TRHR: variants seen among roughly 807,000 people sequenced by gnomAD.
TRHR encodes the protein thyrotropin-releasing hormone receptor.
In TRHR, 14 loss-of-function variants were observed where a neutral mutation model predicts 28.0. The ratio of observed to expected loss-of-function variants is 0.50; its 90% confidence interval spans 0.33 to 0.78. TRHR has a LOEUF of 0.78. TRHR is among the 30% of genes least tolerant of loss of function. TRHR has a pLI of 0.02. For synonymous variants in TRHR, 176 were observed against 171.9 expected, an observed-to-expected ratio of 1.02 and a Z score of -0.18; for missense variants, 438 against 469.5, an observed-to-expected ratio of 0.93 and a Z score of 0.62.
At chr8:109,119,023 A>G (rs1387470578) in intron 2 of TRHR, 25 bp from the exon 3 acceptor site, 3 of 1,612,098 alleles carry the variant, frequency 1.9e-6, no homozygotes, top group Non-Finnish European at 2.5e-6. Context: ...GTGTTTGTAC[A>G]GCATTTCTCT....
At chr8:109,112,492 T>C (rs1482582909) in intron 2 of TRHR, among the ~76,000 whole-genome samples, 1 of 152,204 alleles carries the variant, frequency 6.6e-6, no homozygotes, top group Non-Finnish European at 1.5e-5. Context: ...AAAATTTGAT[T>C]ATTTTTGCAT....
chr8:109,105,681 T>C (rs144958068), intron 2 of TRHR, among the ~76,000 whole-genome samples: 75 of 152,278 alleles, frequency 4.9e-4, no homozygotes, highest in African/African-American at 1.7e-3. Flanking sequence ...CTAATTTAAA[T>C]AGGGCAGTCA....
chr8:109,106,952 C>G (rs1479823557), intron 2 of TRHR, among the ~76,000 whole-genome samples: 1 of 152,120 alleles, frequency 6.6e-6, no homozygotes, highest in Non-Finnish European at 1.5e-5. Flanking sequence ...AATGAAGGAA[C>G]AGGATCCTTT....
intron 2 of TRHR, among the ~76,000 whole-genome samples, chr8:109,098,632 A>G (rs1811630763): frequency 6.6e-6 from 1 of 152,022 alleles, no homozygotes; most frequent in African/African-American, 2.4e-5. Flanking sequence ...TTACTTTCCC[A>G]AACTCATCTG....
chr8:109,100,502 A>G (rs567180375), intron 2 of TRHR, among the ~76,000 whole-genome samples: 5 of 152,270 alleles, frequency 3.3e-5, no homozygotes, highest in Non-Finnish European at 7.4e-5. Flanking sequence ...GTTATATTAT[A>G]TGGGACAGGA....
At position 109,087,663 on chromosome 8, in the gene TRHR, A is replaced by G; in HGVS notation, c.151A>G (p.Met51Val). The change falls in exon 2 of 3, where the codon ATG becomes GTG. Residue 51 changes from methionine (M) to valine (V), a missense_variant. By Grantham distance (21) the Met-to-Val change is conservative. Transcript: ENST00000518632. ...CAACATCATGGTAGTCCTGGTTGTC[A>G]TGAGAACCAAGCACATGAGGACCCC... is the stretch of plus-strand genomic sequence containing the variant. ...VGNIMVVLVV[M>V]RTKHMRTPTN... is the part of the protein sequence containing the mutation. 1.2e-6 allele frequency: 2 copies of G among 1,614,110 alleles called. No homozygotes were observed. The highest frequency in any genetic ancestry group is 1.7e-6 in the Non-Finnish European group (2 of 1,180,026).
chr8:109,102,058 G>A (rs1322342094), intron 2 of TRHR, among the ~76,000 whole-genome samples: 1 of 152,124 alleles, frequency 6.6e-6, no homozygotes, highest in Non-Finnish European at 1.5e-5. Flanking sequence ...CCCAGTTTCT[G>A]AATGCAATTT....
chr8:109,088,346 A>C (rs1563620429), intron 2 of TRHR, 45 bp downstream of exon 2: 1 of 1,601,158 alleles, frequency 6.2e-7, no homozygotes, highest in Non-Finnish European at 8.5e-7. Context: ...AATGTGGGAT[A>C]GAGTTCCTTG....
rs1227371688 is a variant in TRHR, at chr8:109,119,507, C to G, written c.*52C>G. The G allele has an allele frequency of 6.3e-7, 1 of 1,596,858 alleles. No homozygotes were observed. The highest frequency in any genetic ancestry group is 2.2e-5 in the East Asian group (1 of 44,656). ...CAAAGAAAATGAGAATCTGTGCAGT[C>G]ATCAACAAAAGGGAGAACATGGCCA... On this transcript the variant is annotated 3_prime_UTR_variant, in exon 3 of 3. Coordinates refer to ENST00000518632, the MANE Select transcript of TRHR (RefSeq NM_003301.7).
chr8:109,120,337 G>C lies in TRHR; in HGVS notation c.*882G>C, dbSNP rs898162206. The stretch of plus-strand genomic sequence containing the variant: ...CGCTTTTAAGCAATAAAATCTTTTT[G>C]AACATTCTTGTTTATAAACTACTCA... On this transcript the variant is annotated 3_prime_UTR_variant, in exon 3 of 3. Transcript: ENST00000518632. Among the ~76,000 whole-genome samples the C allele has an allele frequency of 2.6e-5, 4 of 151,638 alleles. No homozygotes were observed. Among genetic ancestry groups the C allele is most frequent in the African/African-American group, 9.7e-5 (4 of 41,342 alleles).
chr8:109,101,280 T>C (rs73311341), intron 2 of TRHR, among the ~76,000 whole-genome samples: 13,483 of 152,136 alleles, frequency 0.089, 956 homozygotes, highest in African/African-American at 0.2. Context: ...ATAGAATCAA[T>C]AGAGTTGGTG....
intron 2 of TRHR, among the ~76,000 whole-genome samples, chr8:109,116,964 A>G (rs1358425211): frequency 6.6e-6 from 1 of 152,044 alleles, no homozygotes; most frequent in African/African-American, 2.4e-5. Context: ...ACCTTGAAAC[A>G]GGTTGCTCTT....
chr8:109,102,561 A>G (rs1426797540), intron 2 of TRHR, among the ~76,000 whole-genome samples: 1 of 152,134 alleles, frequency 6.6e-6, no homozygotes, highest in African/African-American at 2.4e-5. Context: ...AGAAATAAGG[A>G]TGATCATGGT....
chr8:109,109,865 T>C (rs1360413089), intron 2 of TRHR, among the ~76,000 whole-genome samples: 2 of 152,144 alleles, frequency 1.3e-5, no homozygotes, highest in Non-Finnish European at 2.9e-5. Context: ...CACACCAGAG[T>C]GAGAAGCAGA....
chr8:109,101,238 T>C (rs1444489618), intron 2 of TRHR, among the ~76,000 whole-genome samples: 2 of 152,008 alleles, frequency 1.3e-5, no homozygotes, highest in East Asian at 1.9e-4. Flanking sequence ...GTAAATAGCA[T>C]TGAGGATAGG....
intron 2 of TRHR, among the ~76,000 whole-genome samples, chr8:109,107,628 A>G (rs1811770986): frequency 6.6e-6 from 1 of 152,212 alleles, no homozygotes; most frequent in Non-Finnish European, 1.5e-5. Flanking sequence ...TATGTTCTTA[A>G]TCAAGTAGTG....
At position 109,098,433 on chromosome 8, in the gene TRHR, C is replaced by T. The variant is rs114850936; in HGVS notation, c.789+10132C>T. Among the ~76,000 whole-genome samples, 1,032 of 152,216 alleles carry T rather than the reference C, an allele frequency of 6.8e-3. 14 individuals are homozygous for T. Among genetic ancestry groups the T allele is most frequent in the African/African-American group, 0.024 (983 of 41,538 alleles). ...AGCCATCAGCCATTGCATCCCCCAA[C>T]CCACACCCTGCCTCTTGATTGCCCT... On this transcript the variant is annotated intron_variant, in intron 2 of 2. Transcript: ENST00000518632.
chr8:109,115,415 C>T (rs147173972), intron 2 of TRHR, among the ~76,000 whole-genome samples: 5,147 of 152,228 alleles, frequency 0.034, 291 homozygotes, highest in African/African-American at 0.12. Context: ...TGGCCATTTT[C>T]ACGATATTGA....
chr8:109,093,484 C>A (rs1811544801), intron 2 of TRHR, among the ~76,000 whole-genome samples: 1 of 141,220 alleles, frequency 7.1e-6, no homozygotes, highest in Non-Finnish European at 1.5e-5. Context: ...CGGCTCACTG[C>A]AACCTCCGAC....
Sources: gnomAD v4.1 joint callset for allele counts (sites outside exome capture counted in the v4.1 genomes callset) on GRCh38, gnomAD v4.1.1 for gene constraint, MANE v1.5 for transcripts, NCBI Gene and HGNC (gene_info 2026-07-23, HGNC 2026-07-21) for gene names.